Variants in AKAP6 observed in about 807,000 individuals in gnomAD.
AKAP6 encodes A-kinase anchor protein 6.
In AKAP6, 58 loss-of-function variants were observed where a neutral mutation model predicts 188.5. The observed-to-expected ratio is 0.31, with a 90% CI of 0.25 to 0.38. The LOEUF is 0.38. AKAP6 is among the 10% of genes least tolerant of loss of function. The pLI is 1.00. For synonymous variants in AKAP6, 989 were observed against 998.6 expected (o/e 0.99, Z 0.18); for missense variants, 2,710 against 2,740.0 (o/e 0.99, Z 0.24).
chr14:32,663,602 T>G (rs1888796033), intron 7 of AKAP6, among the ~76,000 whole-genome samples: 1 of 152,002 alleles, frequency 6.6e-6, no homozygotes, highest in Non-Finnish European at 1.5e-5. Flanking sequence ...AGGAGGAGAA[T>G]TCCAGGCAGA....
chr14:32,368,980 C>T (rs1475398255), intron 1 of AKAP6, among the ~76,000 whole-genome samples: 2 of 152,040 alleles, frequency 1.3e-5, no homozygotes, highest in Admixed American at 6.6e-5. Context: ...GAATCATACT[C>T]TTTAAAGTTA....
At chr14:32,585,795 T>A (rs965901300) in intron 5 of AKAP6, among the ~76,000 whole-genome samples, 1 of 152,088 alleles carries the variant, frequency 6.6e-6, no homozygotes, top group Non-Finnish European at 1.5e-5. Flanking sequence ...AAAGGCCATA[T>A]GTAATTTTGT....
chr14:32,769,404 T>C (rs923221174), intron 11 of AKAP6, among the ~76,000 whole-genome samples: 1 of 152,006 alleles, frequency 6.6e-6, no homozygotes, highest in African/African-American at 2.4e-5. Context: ...TTCCCTTCTC[T>C]CTCCAGCTAG....
In AKAP6 at chr14:32,545,797, G is replaced by T; in HGVS notation, c.1144G>T (p.Asp382Tyr). Reference sequence around the variant, plus strand: ...CAGAGATTGCTTTAATTATAACGAGGACTCTCCCACGCAGCCTACATTGCC... The same window carrying T: ...CAGAGATTGCTTTAATTATAACGAGTACTCTCCCACGCAGCCTACATTGCC... ...TIRDCFNYNE[D>Y]SPTQPTLPKR... is the part of the protein sequence containing the mutation. Residue 382 changes from aspartate to tyrosine, a missense_variant, in exon 4 of 14, where the codon GAC (aspartate) becomes TAC (tyrosine). By Grantham distance (160) the Asp-to-Tyr change is radical (BLOSUM62 -3). Transcript: ENST00000280979. 1 of 1,614,166 alleles carries T rather than the reference G, an allele frequency of 6.2e-7. No individual in the cohort carries two copies. Among genetic ancestry groups the T allele is most frequent in the Admixed American group, 1.7e-5 (1 of 60,020 alleles).
chr14:32,670,696 A>G (rs1305360339), intron 7 of AKAP6, among the ~76,000 whole-genome samples: 1 of 151,994 alleles, frequency 6.6e-6, no homozygotes, highest in African/African-American at 2.4e-5. Context: ...AAAAGCCCAA[A>G]TGGCTCATGA....
chr14:32,654,217 G>A (rs1208367382), intron 7 of AKAP6, among the ~76,000 whole-genome samples: 1 of 152,188 alleles, frequency 6.6e-6, no homozygotes, highest in East Asian at 1.9e-4. Flanking sequence ...GCAACTGGCT[G>A]GGGGAGCTAT....
chr14:32,385,196 C>T (rs1275817633), intron 1 of AKAP6: 1 of 151,204 alleles, frequency 6.6e-6, no homozygotes, highest in Non-Finnish European at 1.5e-5. Context: ...AGAGAAAAGC[C>T]GCATCCATTA....
At chr14:32,754,379 A>G (rs991077290) in intron 11 of AKAP6, among the ~76,000 whole-genome samples, 9 of 152,270 alleles carry the variant, frequency 5.9e-5, no homozygotes, top group Admixed American at 5.9e-4. Flanking sequence ...ACATACAAAA[A>G]CTACATTTTA....
At chr14:32,733,948 CAAT>C (rs892695779) in intron 10 of AKAP6, 5 of 152,072 alleles carry the variant, frequency 3.3e-5, no homozygotes, top group East Asian at 1.9e-4. Flanking sequence ...TGATAAATAA[CAAT>C]AATATTTTTA....
At position 32,696,083 on chromosome 14, in the gene AKAP6, A is replaced by AGAG; in HGVS notation, c.2977_2979dup (p.Glu993dup). On this transcript the variant is annotated inframe_insertion, in exon 9 of 14. Transcript: ENST00000280979. Reference sequence around the variant, plus strand: ...TGGACAGCCACGACCTGATGATGTCAGAGGAGCAGCAGCAGCATCTTTACA... The same window carrying AGAG: ...TGGACAGCCACGACCTGATGATGTCAGAGGAGGAGCAGCAGCAGCATCTTTACA... 6.2e-7 allele frequency: 1 copy of AGAG among 1,611,444 alleles called. No homozygotes were observed. Among genetic ancestry groups the AGAG allele is most frequent in the Non-Finnish European group, 8.5e-7 (1 of 1,179,294 alleles).
chr14:32,477,701 T>C (rs746849054), intron 2 of AKAP6, among the ~76,000 whole-genome samples: 4 of 152,216 alleles, frequency 2.6e-5, no homozygotes, highest in Non-Finnish European at 4.4e-5. Context: ...ATCTTTTCAG[T>C]AATGAAGCAT....
chr14:32,654,683 G>GA (rs200664269), intron 7 of AKAP6, among the ~76,000 whole-genome samples: 434 of 130,294 alleles, frequency 3.3e-3, no homozygotes, highest in African/African-American at 4.8e-3. Context: ...TGTCTCTACT[G>GA]AAAAAAAAAA....
intron 12 of AKAP6, among the ~76,000 whole-genome samples, chr14:32,805,782 A>G (rs2034073191): frequency 6.6e-6 from 1 of 152,140 alleles, no homozygotes; most frequent in African/African-American, 2.4e-5. Context: ...GTGTTTATGA[A>G]TTTTTAACAT....
intron 9 of AKAP6, among the ~76,000 whole-genome samples, chr14:32,712,776 A>G (rs772326650): frequency 2.1e-4 from 32 of 152,060 alleles, no homozygotes; most frequent in Non-Finnish European, 4.6e-4. Flanking sequence ...CACATCTGCT[A>G]TTACTTCCTC....
intron 1 of AKAP6, among the ~76,000 whole-genome samples, chr14:32,419,039 T>G (rs12050166): frequency 0.1 from 15,622 of 152,286 alleles, 1,419 homozygotes; most frequent in East Asian, 0.52. Flanking sequence ...AGCATTCACC[T>G]TCAATTTAGG....
intron 2 of AKAP6, among the ~76,000 whole-genome samples, chr14:32,531,242 T>C (rs926514004): frequency 6.6e-6 from 1 of 152,224 alleles, no homozygotes. Flanking sequence ...TTTAAGATAT[T>C]GTTAACCATT....
intron 7 of AKAP6, among the ~76,000 whole-genome samples, chr14:32,629,891 C>T (rs1490757076): frequency 6.6e-6 from 1 of 151,630 alleles, no homozygotes; most frequent in Non-Finnish European, 1.5e-5. Context: ...ACAAGCAAGA[C>T]CCTGTCTCTA....
intron 1 of AKAP6, among the ~76,000 whole-genome samples, chr14:32,344,915 TA>T (rs11297648): frequency 0.3 from 31,114 of 105,350 alleles, 3,983 homozygotes; most frequent in East Asian, 0.43. Flanking sequence ...GACTCTGTCT[TA>T]AAAAAAAAAA....
intron 11 of AKAP6, among the ~76,000 whole-genome samples, chr14:32,766,005 T>A (rs2032707570): frequency 6.6e-6 from 1 of 152,154 alleles, no homozygotes. Context: ...CCCTTACCCA[T>A]TAGCTCGCTT....
Sources: allele counts gnomAD v4.1 joint callset (sites outside exome capture counted in the v4.1 genomes callset), GRCh38; gene constraint gnomAD v4.1.1; transcripts MANE v1.5; gene names NCBI Gene and HGNC (gene_info 2026-07-23, HGNC 2026-07-21).